The following CCDC27 variants were observed in gnomAD, a reference collection of about 807,000 sequenced individuals.
CCDC27 encodes coiled-coil domain containing 27, also known as coiled-coil domain-containing protein 27.
CCDC27 carries 80 observed loss-of-function variants against 80.3 expected under a neutral mutation model. The observed-to-expected ratio is 1.00, with a 90% CI of 0.83 to 1.20. CCDC27 has a LOEUF of 1.20. Ranked by LOEUF, CCDC27 falls within the 50% of genes most tolerant of loss-of-function variation. The pLI, the probability that CCDC27 is intolerant of heterozygous loss-of-function variation, is 0.00. For synonymous variants in CCDC27, 342 were observed against 334.3 expected, an observed-to-expected ratio of 1.02 and a Z score of -0.25; for missense variants, 815 against 809.4, an observed-to-expected ratio of 1.01 and a Z score of -0.08.
rs1378170898 is a variant in CCDC27 at position 3,771,574 on chromosome 1, C to T, written c.*51C>T. 1 of 1,598,994 alleles carries T rather than the reference C, an allele frequency of 6.3e-7. No individual in the cohort carries two copies. Among genetic ancestry groups the T allele is most frequent in the African/African-American group, 1.3e-5 (1 of 74,198 alleles). ...CAGCCCAGCAGAGGCCGGGGCCCAG[C>T]TCCAGAACCACCCGCCCCCACCATG... On this transcript the variant is annotated 3_prime_UTR_variant, in exon 12 of 12. Coordinates refer to ENST00000294600, the MANE Select transcript of CCDC27 (RefSeq NM_152492.3).
chr1:3,754,174 A>G lies in CCDC27; in HGVS notation c.375A>G (p.Arg125=), dbSNP rs2124589227. Residue 125 remains arginine, a synonymous_variant, in exon 2 of 12, where the codon CGA becomes CGG. Transcript: ENST00000294600. ...GCTTCATGTCCAAAATGGAACTTCG[A>G]AGGGTCTTCCCCACGCATCCTGACT... ...LTGFMSKMEL[R]RVFPTHPDCP... is the part of the protein sequence containing the mutation. 6.2e-7 allele frequency: 1 copy of G among 1,613,702 alleles called. No individual in the cohort carries two copies. Among genetic ancestry groups the G allele is most frequent in the East Asian group, 2.2e-5 (1 of 44,840 alleles).
intron 1 of CCDC27, among the ~76,000 whole-genome samples, chr1:3,753,002 C>G (rs1055418670): frequency 6.6e-6 from 1 of 152,206 alleles, no homozygotes. Flanking sequence ...TCTGAAGGGC[C>G]TGGTGCCTTA....
At position 3,768,933 on chromosome 1, in the gene CCDC27, C is replaced by T. The variant is rs1269797682; in HGVS notation, c.1744-850C>T. Among the ~76,000 whole-genome samples the T allele has an allele frequency of 6.6e-6, 1 of 152,224 alleles. No homozygotes were observed. The highest frequency in any genetic ancestry group is 2.4e-5 in the African/African-American group (1 of 41,472). On this transcript the variant is annotated intron_variant, in intron 10 of 11. Coordinates refer to ENST00000294600, the MANE Select transcript of CCDC27 (RefSeq NM_152492.3). The surrounding 1 kb of genome is among the most constrained non-coding windows in gnomAD (Gnocchi z 5.6). ...GAAAGAAGGAAAGGATTCCACTCCT[C>T]ACACAGGCCAGGGGCCCATGACATT...
rs542330562 is a variant in CCDC27 at position 3,762,423 on chromosome 1, C to A, written c.862-197C>A. Among the ~76,000 whole-genome samples, 403 of 152,176 alleles carry A rather than the reference C, an allele frequency of 2.6e-3. 1 individual carries two copies. Among genetic ancestry groups the A allele is most frequent in the African/African-American group, 9.3e-3 (386 of 41,528 alleles). On this transcript the variant is annotated intron_variant, in intron 5 of 11. Coordinates refer to ENST00000294600, the MANE Select transcript of CCDC27 (RefSeq NM_152492.3). The stretch of plus-strand genomic sequence containing the variant: ...CTGGGGGTGCCTAGAGCCCCACTGC[C>A]CCCCAGAACTGCCCATCCGCAGGTT...
In CCDC27 at chr1:3,769,753, C is replaced by A; in HGVS notation, c.1744-30C>A. 1 of 1,548,912 alleles carries A rather than the reference C, an allele frequency of 6.5e-7. No individual in the cohort carries two copies. The highest frequency in any genetic ancestry group is 1.1e-5 in the South Asian group (1 of 89,808). On this transcript the variant is annotated intron_variant, in intron 10 of 11. Coordinates refer to ENST00000294600, the MANE Select transcript of CCDC27 (RefSeq NM_152492.3). This position sits in a 1 kb window ranked among gnomAD's most constrained non-coding sequence, Gnocchi z 4.6. ...GGCCAGGTGCCTTCTTGGGTAAAGG[C>A]GAATGATAGTGTTGTCCCTTTGCTC...
chr1:3,768,198 T>C lies in CCDC27; in HGVS notation c.1743+753T>C, dbSNP rs547278982. Among the ~76,000 whole-genome samples the C allele has an allele frequency of 6.6e-6, 1 of 150,790 alleles. No individual in the cohort carries two copies. Among genetic ancestry groups the C allele is most frequent in the East Asian group, 2.0e-4 (1 of 5,044 alleles). On this transcript the variant is annotated intron_variant, in intron 10 of 11. Coordinates refer to ENST00000294600, the MANE Select transcript of CCDC27 (RefSeq NM_152492.3). This position sits in a 1 kb window ranked among gnomAD's most constrained non-coding sequence, Gnocchi z 5.6. ...CAGCCTTGGCCTCCCAGGCTCAAGC[T>C]GTCGTCATCCCACCTCAGCCTCCTG... is the stretch of plus-strand genomic sequence containing the variant.
In CCDC27 at chr1:3,761,082, G is replaced by A. The variant is rs1016642218; in HGVS notation, c.712-199G>A. On this transcript the variant is annotated intron_variant, in intron 4 of 11. Transcript: ENST00000294600. The surrounding 1 kb of genome is among the most constrained non-coding windows in gnomAD (Gnocchi z 5.0). ...GCTGGAGGTGCCAGGCATGGCTGCA[G>A]TAAAGAGCTGGCACATCTTGATCTC... 1.3e-5 allele frequency among the ~76,000 whole-genome samples: 2 copies of A among 152,240 alleles called. No individual in the cohort carries two copies. Among genetic ancestry groups the A allele is most frequent in the Non-Finnish European group, 2.9e-5 (2 of 68,048 alleles).
intron 4 of CCDC27, chr1:3,757,205 A>G (rs988734275): frequency 1.1e-5 from 2 of 189,600 alleles, no homozygotes; most frequent in Non-Finnish European, 2.2e-5. Flanking sequence ...AATAAAAATC[A>G]TAACAGGAAT....
intron 4 of CCDC27, chr1:3,757,161 C>G: frequency 3.3e-6 from 1 of 305,950 alleles, no homozygotes; most frequent in South Asian, 6.0e-5. Context: ...ATCTTTGCAC[C>G]CACAGTATCT....
intron 11 of CCDC27, among the ~76,000 whole-genome samples, chr1:3,770,931 G>A (rs913969521): frequency 9.9e-5 from 15 of 152,230 alleles, no homozygotes; most frequent in African/African-American, 3.4e-4. Flanking sequence ...AACCAGCAAC[G>A]GCCCAGAGAG....
rs749310481 is a variant in CCDC27, at chr1:3,766,094, G to A, written c.1453-441G>A. Among the ~76,000 whole-genome samples the A allele has an allele frequency of 2.4e-4, 36 of 152,090 alleles. No homozygotes were observed. The highest frequency in any genetic ancestry group is 5.1e-4 in the Non-Finnish European group (35 of 68,026). ...TTACCCACGCTTCTCTCAAATTCCC[G>A]ACCTCAAGTGATCCACCCACCTCAG... On this transcript the variant is annotated intron_variant, in intron 8 of 11. Transcript: ENST00000294600. The surrounding 1 kb of genome is among the most constrained non-coding windows in gnomAD (Gnocchi z 6.1).
Position 3,767,348 on chromosome 1 carries a change from G to A in CCDC27, c.1646G>A (p.Arg549Lys), listed in dbSNP as rs767682226. Residue 549 changes from arginine (R) to lysine (K), a missense_variant, in exon 10 of 12, where the codon AGG (arginine) becomes AAG (lysine). Physicochemically the swap from Arg to Lys is conservative, Grantham distance 26. Transcript: ENST00000294600. ...GAACTGGACCAGAACCACCTGCAGA[G>A]GTGGAAGCAGCTGCAGGAGGATTTG... ...QVELDQNHLQ[R>K]WKQLQEDLQS... is the part of the protein sequence containing the mutation. 1.6e-5 allele frequency: 26 copies of A among 1,613,862 alleles called. No homozygotes were observed. Among genetic ancestry groups the A allele is most frequent in the African/African-American group, 1.6e-4 (12 of 74,934 alleles).
chr1:3,753,792 T>G (rs560749567), intron 1 of CCDC27, among the ~76,000 whole-genome samples: 1 of 152,000 alleles, frequency 6.6e-6, no homozygotes, highest in Admixed American at 6.5e-5. Flanking sequence ...GCAGCATGTG[T>G]GGGTGGGGTC....
chr1:3,769,288 A>T lies in CCDC27; in HGVS notation c.1744-495A>T, dbSNP rs1643303748. Among the ~76,000 whole-genome samples the T allele has an allele frequency of 6.6e-6, 1 of 152,076 alleles. No homozygotes were observed. Among genetic ancestry groups the T allele is most frequent in the Non-Finnish European group, 1.5e-5 (1 of 67,976 alleles). The stretch of plus-strand genomic sequence containing the variant: ...GGTCTGTGCGCGGGGGCCAGGTTCA[A>T]CGCTGCTGTCCATGGCACAGACACC... On this transcript the variant is annotated intron_variant, in intron 10 of 11. Transcript: ENST00000294600. This position sits in a 1 kb window ranked among gnomAD's most constrained non-coding sequence, Gnocchi z 4.6.
chr1:3,757,340 A>G lies in CCDC27; in HGVS notation c.711+450A>G, dbSNP rs894754291. Among the ~76,000 whole-genome samples the G allele has an allele frequency of 3.9e-5, 6 of 152,202 alleles. 1 individual carries two copies. The highest frequency in any genetic ancestry group is 3.3e-4 in the Admixed American group (5 of 15,282). ...ATTCCGTCATCAAATTTTAGTATCA[A>G]AGTTACTCTGGCCTCATTAAAATGA... On this transcript the variant is annotated intron_variant, in intron 4 of 11. Coordinates refer to ENST00000294600, the MANE Select transcript of CCDC27 (RefSeq NM_152492.3).
In CCDC27 at chr1:3,763,474, G is replaced by A. The variant is rs759744646; in HGVS notation, c.1321G>A (p.Gly441Arg). ...ATRTRYSLATGVIASLQQQVD... is the reference protein window; with the variant it reads ...ATRTRYSLATRVIASLQQQVD... Reference sequence around the variant, plus strand: ...CAGGACCAGATACTCCCTTGCAACAGGTAGGGCCTCGGCGGGGGGCACTGG... The same window carrying A: ...CAGGACCAGATACTCCCTTGCAACAAGTAGGGCCTCGGCGGGGGGCACTGG... The change falls in exon 7 of 12, where the codon GGA becomes AGA. Residue 441 changes from glycine (G) to arginine (R), a missense_variant and splice_region_variant. Transcript: ENST00000294600. This position sits in a 1 kb window ranked among gnomAD's most constrained non-coding sequence, Gnocchi z 7.5. The A allele has an allele frequency of 1.1e-5, 18 of 1,591,800 alleles. No individual in the cohort carries two copies. Among genetic ancestry groups the A allele is most frequent in the Non-Finnish European group, 1.5e-5 (17 of 1,169,000 alleles).
Position 3,761,419 on chromosome 1 carries a change from C to G in CCDC27, c.850C>G (p.Pro284Ala), listed in dbSNP as rs143408613. 2.5e-6 allele frequency: 4 copies of G among 1,613,722 alleles called. No individual in the cohort carries two copies. The highest frequency in any genetic ancestry group is 3.4e-6 in the Non-Finnish European group (4 of 1,179,946). ...KGKGQETSMS[P>A]GRREQLSDAS... ...CAAAGGCCAAGAGACATCCATGTCC[C>G]CAGGCAGGAGGGTGAGCCAGCCCCA... The change falls in exon 5 of 12, where the codon CCA (proline) becomes GCA (alanine). Residue 284 changes from proline to alanine, a missense_variant. Physicochemically the swap from Pro to Ala is conservative, Grantham distance 27. Transcript: ENST00000294600. The surrounding 1 kb of genome is among the most constrained non-coding windows in gnomAD (Gnocchi z 5.0).
At chr1:3,753,982 T>G in intron 1 of CCDC27, 136 bp from the exon 2 acceptor site, 1 of 1,250,518 alleles carries the variant, frequency 8.0e-7, no homozygotes, top group Non-Finnish European at 1.1e-6. Flanking sequence ...GTGTGGGGTC[T>G]GCATCTACAT....
In CCDC27 at chr1:3,756,786, A is replaced by G. The variant is rs1642967044; in HGVS notation, c.607A>G (p.Arg203Gly). 6.2e-7 allele frequency: 1 copy of G among 1,613,966 alleles called. No individual in the cohort carries two copies. Among genetic ancestry groups the G allele is most frequent in the Admixed American group, 1.7e-5 (1 of 59,998 alleles). ...SICEFDYLRKRRKSQTLSPVT... is the reference protein window; with the variant it reads ...SICEFDYLRKGRKSQTLSPVT... ...CTGCGAGTTCGATTACTTGCGGAAG[A>G]GGAGAAAATCCCAGACTTTGAGTCC... Residue 203 changes from arginine (R) to glycine (G), a missense_variant, in exon 4 of 12, where the codon AGG (arginine) becomes GGG (glycine). Arg to Gly is a moderately radical substitution (Grantham distance 125). Coordinates refer to ENST00000294600, the MANE Select transcript of CCDC27 (RefSeq NM_152492.3).
Sources: gnomAD v4.1 joint callset for allele counts (sites outside exome capture counted in the v4.1 genomes callset) on GRCh38, gnomAD v4.1.1 for gene constraint, Gnocchi (gnomAD v3.1) non-coding constraint, MANE v1.5 for transcripts, NCBI Gene and HGNC (gene_info 2026-07-23, HGNC 2026-07-21) for gene names.